USP43: variants seen among roughly 807,000 people sequenced by gnomAD.
USP43 encodes ubiquitin specific peptidase 43.
Under a neutral mutation model 90.7 loss-of-function variants are expected in USP43, and 33 were observed. The observed-to-expected ratio is 0.36, with a 90% CI of 0.28 to 0.49. The LOEUF (loss-of-function observed/expected upper bound fraction) is 0.49. Ranked by LOEUF, USP43 falls within the 20% of genes least tolerant of loss-of-function variation. The probability of loss-of-function intolerance (pLI) is 0.98; values close to 1 mark genes in which losing one functional copy is unlikely to be tolerated. For synonymous variants in USP43, 598 were observed against 615.8 expected (o/e 0.97, Z 0.43); for missense variants, 1,274 against 1,476.4 (o/e 0.86, Z 2.25).
chr17:9,723,358 G>A (rs771446030), intron 14 of USP43, among the ~76,000 whole-genome samples: 1 of 151,978 alleles, frequency 6.6e-6, no homozygotes, highest in Non-Finnish European at 1.5e-5. Context: ...TACAGACTCA[G>A]GCCTGTCTTT....
chr17:9,724,972 G>A (rs1289297205), intron 14 of USP43, among the ~76,000 whole-genome samples: 1 of 152,160 alleles, frequency 6.6e-6, no homozygotes, highest in Non-Finnish European at 1.5e-5. Context: ...GAGGTCCCCA[G>A]CCCTGTTCAC....
rs73975790 is a variant in USP43 at position 9,686,950 on chromosome 17, C to T, written c.1353+41C>T. On this transcript the variant is annotated intron_variant, in intron 8 of 14. Transcript: ENST00000285199. This position sits in a 1 kb window ranked among gnomAD's most constrained non-coding sequence, Gnocchi z 5.5. The stretch of plus-strand genomic sequence containing the variant: ...GCGTGTGTGTGTGTGTGCGTGCATG[C>T]GCATGTGCATGCGTGTGTGTGGGTG... 2.2e-3 allele frequency: 3,494 copies of T among 1,561,818 alleles called. 53 individuals carry two copies. The African/African-American group carries it at 0.04, about 18-fold the overall frequency.
chr17:9,697,549 G>A (rs543950361), intron 9 of USP43, among the ~76,000 whole-genome samples: 2 of 151,990 alleles, frequency 1.3e-5, no homozygotes, highest in South Asian at 2.1e-4. Context: ...GTGTACCCAC[G>A]GTTTAGCTCT....
intron 5 of USP43, among the ~76,000 whole-genome samples, chr17:9,679,809 C>T (rs144375362): frequency 3.9e-5 from 6 of 152,070 alleles, no homozygotes; most frequent in Admixed American, 2.6e-4. Flanking sequence ...AGTAGTCACC[C>T]CTCTACTCTG....
intron 3 of USP43, among the ~76,000 whole-genome samples, chr17:9,671,926 T>G (rs1286357881): frequency 6.6e-6 from 1 of 152,198 alleles, no homozygotes; most frequent in East Asian, 1.9e-4. Context: ...TTCTGAACCT[T>G]TGACACGTGG....
intron 1 of USP43, among the ~76,000 whole-genome samples, chr17:9,649,401 T>G (rs905056424): frequency 3.3e-5 from 5 of 151,922 alleles, no homozygotes; most frequent in Admixed American, 1.3e-4. Flanking sequence ...TTAGATTCAG[T>G]GGGTACATGT....
chr17:9,727,105 T>G (rs942181009), intron 14 of USP43, among the ~76,000 whole-genome samples: 2 of 152,102 alleles, frequency 1.3e-5, no homozygotes, highest in Non-Finnish European at 2.9e-5. Flanking sequence ...CCTGAGTAGC[T>G]GGGATTATAG....
intron 9 of USP43, among the ~76,000 whole-genome samples, chr17:9,697,134 T>C (rs1293988180): frequency 1.3e-5 from 2 of 152,244 alleles, no homozygotes; most frequent in Middle Eastern, 3.4e-3. Context: ...GGAGAATCGC[T>C]TGAACCCAGG....
intron 12 of USP43, among the ~76,000 whole-genome samples, chr17:9,702,685 C>T (rs1046835968): frequency 6.6e-6 from 1 of 152,154 alleles, no homozygotes; most frequent in African/African-American, 2.4e-5. Flanking sequence ...TCTCCCCCAC[C>T]AGGGCCTCTC....
chr17:9,702,535 C>CT lies in USP43; in HGVS notation c.2011+836dup, dbSNP rs367772449. ...TGGGGTACTTTTCATGTTTATTCCTCTGGGGAATTTCAGAGCAGTGGATGA... is the reference window on the plus strand; with the variant it reads ...TGGGGTACTTTTCATGTTTATTCCTCTTGGGGAATTTCAGAGCAGTGGATGA... On this transcript the variant is annotated intron_variant, in intron 12 of 14. Transcript: ENST00000285199. Among the ~76,000 whole-genome samples, 537 of 152,264 alleles carry CT rather than the reference C, an allele frequency of 3.5e-3. 2 individuals carry two copies. Among genetic ancestry groups the CT allele is most frequent in the African/African-American group, 0.012 (490 of 41,548 alleles).
chr17:9,723,394 T>C (rs1459274883), intron 14 of USP43, among the ~76,000 whole-genome samples: 1 of 152,062 alleles, frequency 6.6e-6, no homozygotes, highest in Non-Finnish European at 1.5e-5. Context: ...GGTTTTTGTT[T>C]AATGATTGTC....
rs1012866345 is a variant in USP43, at chr17:9,729,128, T to TG, written c.*144dup. On this transcript the variant is annotated 3_prime_UTR_variant, in exon 15 of 15. Transcript: ENST00000285199. The stretch of plus-strand genomic sequence containing the variant: ...AAAAAAAATTTTTTTTTTTTTGTGG[T>TG]GGGGGGTCTCCATATCTAGACTTCC... 3.4e-5 allele frequency: 26 copies of TG among 759,494 alleles called. No individual in the cohort carries two copies. Among genetic ancestry groups the TG allele is most frequent in the South Asian group, 1.7e-4 (5 of 29,716 alleles). 47.0% of individuals were successfully genotyped at this position (759,494 alleles called of 1,614,324 possible). A position where few individuals can be genotyped will look rare whatever the true frequency, so the allele number is the denominator to read the frequency against.
At chr17:9,715,768 T>G (rs1916502044) in intron 14 of USP43, among the ~76,000 whole-genome samples, 1 of 146,036 alleles carries the variant, frequency 6.8e-6, no homozygotes, top group Admixed American at 6.7e-5. Context: ...TCTGCGTGTT[T>G]GTGTCTATGT....
At chr17:9,681,204 T>TAG (rs1914193374) in intron 6 of USP43, among the ~76,000 whole-genome samples, 1 of 99,254 alleles carries the variant, frequency 1.0e-5, no homozygotes, top group Non-Finnish European at 1.7e-5. Context: ...ATATACTATA[T>TAG]AATATATACA....
At chr17:9,715,945 G>A (rs1469951105) in intron 14 of USP43, among the ~76,000 whole-genome samples, 1 of 150,984 alleles carries the variant, frequency 6.6e-6, no homozygotes, top group Non-Finnish European at 1.5e-5. Context: ...GTTTCTGTGT[G>A]TCTATGTGTA....
intron 1 of USP43, among the ~76,000 whole-genome samples, chr17:9,654,413 C>T (rs962763610): frequency 6.6e-6 from 1 of 152,056 alleles, no homozygotes; most frequent in Non-Finnish European, 1.5e-5. Context: ...CTTGGGGAAG[C>T]CGAGGCGGGC....
intron 2 of USP43, among the ~76,000 whole-genome samples, chr17:9,660,112 T>A (rs1206336061): frequency 6.6e-6 from 1 of 152,150 alleles, no homozygotes; most frequent in Non-Finnish European, 1.5e-5. Context: ...AGACCTTTCT[T>A]TAAGATAATA....
intron 14 of USP43, among the ~76,000 whole-genome samples, chr17:9,718,236 G>A (rs1916718521): frequency 1.3e-5 from 2 of 152,142 alleles, no homozygotes; most frequent in South Asian, 4.1e-4. Context: ...AATTGGTTTA[G>A]TTATATGTTG....
chr17:9,726,933 A>G (rs933866181), intron 14 of USP43, among the ~76,000 whole-genome samples: 1 of 151,646 alleles, frequency 6.6e-6, no homozygotes, highest in Non-Finnish European at 1.5e-5. Context: ...AAAACAAGGC[A>G]TTTTAATGGT....
Sources: allele counts gnomAD v4.1 joint callset (sites outside exome capture counted in the v4.1 genomes callset), GRCh38; gene constraint gnomAD v4.1.1; non-coding constraint Gnocchi (gnomAD v3.1); transcripts MANE v1.5; gene names NCBI Gene and HGNC (gene_info 2026-07-23, HGNC 2026-07-21).